Variants in TMEM178B observed in about 807,000 individuals in gnomAD.
TMEM178B encodes transmembrane protein 178B.
A neutral mutation model predicts 31.0 loss-of-function variants in TMEM178B; 5 were observed. That is an observed-to-expected ratio of 0.16 (90% CI 0.08 to 0.34). TMEM178B has a LOEUF of 0.34. Among genes scored for constraint, TMEM178B ranks in the 10% least tolerant of loss-of-function variants. The pLI, the probability that TMEM178B is intolerant of heterozygous loss-of-function variation, is 1.00. For missense variants in TMEM178B, 275 were observed against 400.3 expected (o/e 0.69, Z 2.67); for synonymous variants, 164 against 164.0 (o/e 1.00, Z 0.00).
At chr7:141,501,404 A>G in the TMEM178B span, among the ~76,000 whole-genome samples, 21 of 152,034 alleles carry the variant, frequency 1.4e-4, no homozygotes, top group Admixed American at 1.3e-3. Context: ...TCCACATTTT[A>G]TAGTCTTCTC....
chr7:141,101,899 G>A (rs527917784), intron 1 of TMEM178B, among the ~76,000 whole-genome samples: 1 of 144,836 alleles, frequency 6.9e-6, no homozygotes, highest in South Asian at 2.3e-4. Flanking sequence ...CCTGGATAGT[G>A]TGTGTTAACG....
chr7:141,343,292 C>T (rs1043561690), intron 2 of TMEM178B, among the ~76,000 whole-genome samples: 4 of 152,208 alleles, frequency 2.6e-5, no homozygotes, highest in Non-Finnish European at 4.4e-5. Context: ...CAGGACACCT[C>T]CATGACCTCA....
At chr7:141,279,075 G>T (rs1798312523) in intron 2 of TMEM178B, among the ~76,000 whole-genome samples, 1 of 152,188 alleles carries the variant, frequency 6.6e-6, no homozygotes, top group Non-Finnish European at 1.5e-5. Context: ...TGTTCAGAGT[G>T]AGGTCAAACA....
chr7:141,463,250 G>A (rs1258465141), intron 3 of TMEM178B, among the ~76,000 whole-genome samples: 2 of 152,158 alleles, frequency 1.3e-5, no homozygotes, highest in Non-Finnish European at 2.9e-5. Flanking sequence ...GGAGGACTGG[G>A]TTGAGTAGGA....
intron 2 of TMEM178B, among the ~76,000 whole-genome samples, chr7:141,410,577 G>A (rs1270561547): frequency 6.7e-6 from 1 of 148,946 alleles, no homozygotes; most frequent in African/African-American, 2.5e-5. Context: ...CCCAGGTCAG[G>A]GTAATGGGTT....
At chr7:141,191,368 C>G (rs1023246017) in intron 1 of TMEM178B, among the ~76,000 whole-genome samples, 1 of 152,244 alleles carries the variant, frequency 6.6e-6, no homozygotes, top group African/African-American at 2.4e-5. Flanking sequence ...AAATTACTAA[C>G]TGTGGAATTT....
chr7:141,486,435 GCCC>G, the TMEM178B span, among the ~76,000 whole-genome samples: 1 of 152,166 alleles, frequency 6.6e-6, no homozygotes, highest in Non-Finnish European at 1.5e-5. Flanking sequence ...GACCCTGTCT[GCCC>G]CCAGTGAGGT....
chr7:141,506,514 A>G, the TMEM178B span, among the ~76,000 whole-genome samples: 31 of 152,196 alleles, frequency 2.0e-4, no homozygotes, highest in Non-Finnish European at 2.6e-4. Context: ...AGACTTATTC[A>G]CTATCATGAG....
chr7:141,322,268 T>C (rs1210693927), intron 2 of TMEM178B, among the ~76,000 whole-genome samples: 1 of 151,864 alleles, frequency 6.6e-6, no homozygotes, highest in African/African-American at 2.4e-5. Context: ...GGCTCATGCC[T>C]ATAATCCCAG....
intron 1 of TMEM178B, among the ~76,000 whole-genome samples, chr7:141,150,682 C>CAA (rs1795958112): frequency 6.6e-6 from 1 of 152,218 alleles, no homozygotes; most frequent in African/African-American, 2.4e-5. Context: ...GGGGCTGAGG[C>CAA]CATTTTGGGC....
chr7:141,300,746 C>A (rs939767501), intron 2 of TMEM178B, among the ~76,000 whole-genome samples: 2 of 152,150 alleles, frequency 1.3e-5, no homozygotes, highest in African/African-American at 2.4e-5. Context: ...ATCCCAGTGT[C>A]CTGTCCCTTC....
chr7:141,428,901 C>G (rs1801370303), intron 2 of TMEM178B, among the ~76,000 whole-genome samples: 1 of 152,192 alleles, frequency 6.6e-6, no homozygotes, highest in South Asian at 2.1e-4. Flanking sequence ...TGAATTCTTT[C>G]CTCCAAGGAG....
intron 1 of TMEM178B, among the ~76,000 whole-genome samples, chr7:141,179,581 G>A (rs1266391643): frequency 6.6e-6 from 1 of 152,040 alleles, no homozygotes; most frequent in Non-Finnish European, 1.5e-5. Context: ...AGAAATAGTT[G>A]TAGTTCAAGT....
intron 1 of TMEM178B, among the ~76,000 whole-genome samples, chr7:141,151,105 G>A (rs148468633): frequency 6.6e-4 from 101 of 152,260 alleles, no homozygotes; most frequent in Non-Finnish European, 1.2e-3. Flanking sequence ...TGGCAGGGTG[G>A]TAGATGAAGG....
chr7:141,145,597 A>G (rs1345337500), intron 1 of TMEM178B, among the ~76,000 whole-genome samples: 1 of 152,196 alleles, frequency 6.6e-6, no homozygotes, highest in Non-Finnish European at 1.5e-5. Context: ...GAAAACACAA[A>G]GTGTCTCTTT....
chr7:141,214,669 T>C (rs1797103081), intron 2 of TMEM178B, among the ~76,000 whole-genome samples: 1 of 152,150 alleles, frequency 6.6e-6, no homozygotes, highest in Non-Finnish European at 1.5e-5. Context: ...TCACGAGGCA[T>C]TGGCAAAGAC....
chr7:141,347,336 G>A (rs1378573722), intron 2 of TMEM178B, among the ~76,000 whole-genome samples: 1 of 152,094 alleles, frequency 6.6e-6, no homozygotes, highest in Non-Finnish European at 1.5e-5. Context: ...CCATGATATT[G>A]TATGCAGACT....
intron 2 of TMEM178B, among the ~76,000 whole-genome samples, chr7:141,385,955 G>T (rs572139747): frequency 1.3e-5 from 2 of 152,272 alleles, no homozygotes; most frequent in African/African-American, 4.8e-5. Context: ...CTTCTTCTGG[G>T]GCTTCTTTCT....
chr7:141,328,437 TA>T (rs1799237100), intron 2 of TMEM178B, among the ~76,000 whole-genome samples: 1 of 152,284 alleles, frequency 6.6e-6, no homozygotes, highest in African/African-American at 2.4e-5. Flanking sequence ...GTTCCAAGCC[TA>T]AAAAAGTCAC....
Sources: allele counts gnomAD v4.1 joint callset (sites outside exome capture counted in the v4.1 genomes callset), GRCh38; gene constraint gnomAD v4.1.1; transcripts MANE v1.5; gene names NCBI Gene and HGNC (gene_info 2026-07-23, HGNC 2026-07-21).